PTPRD: variants seen among roughly 807,000 people sequenced by gnomAD.
The protein encoded by PTPRD is receptor-type tyrosine-protein phosphatase delta.
A neutral mutation model predicts 214.5 loss-of-function variants in PTPRD; 34 were observed. The observed-to-expected ratio is 0.16, with a 90% CI of 0.12 to 0.21. The LOEUF is 0.21. Among genes scored for constraint, PTPRD ranks in the 10% least tolerant of loss-of-function variants. The pLI is 1.00. For missense variants in PTPRD, 2,545 were observed against 2,398.7 expected (o/e 1.06, Z -1.27); for synonymous variants, 1,128 against 845.7 (o/e 1.33, Z -5.79).
intron 4 of PTPRD, among the ~76,000 whole-genome samples, chr9:9,957,468 CA>C (rs1313867895): frequency 2.0e-5 from 3 of 151,756 alleles, no homozygotes; most frequent in Non-Finnish European, 4.4e-5. Flanking sequence ...AGCATATTTA[CA>C]AAAAATTATA....
intron 8 of PTPRD, among the ~76,000 whole-genome samples, chr9:9,481,979 C>T (rs1195180414): frequency 6.6e-6 from 1 of 152,040 alleles, no homozygotes; most frequent in Non-Finnish European, 1.5e-5. Context: ...TTCAATGTTT[C>T]ACTTTCATCA....
intron 2 of PTPRD, among the ~76,000 whole-genome samples, chr9:10,556,036 C>T (rs183010409): frequency 2.6e-5 from 4 of 152,120 alleles, no homozygotes; most frequent in African/African-American, 9.6e-5. Flanking sequence ...ATTTCAGTAA[C>T]AAAATAGTTT....
chr9:9,174,171 C>T (rs2099923209), intron 10 of PTPRD, among the ~76,000 whole-genome samples: 2 of 152,004 alleles, frequency 1.3e-5, no homozygotes, highest in Admixed American at 1.3e-4. Flanking sequence ...GAAAAAAAAT[C>T]GTTATATAGA....
chr9:9,211,658 T>A (rs2099948812), intron 9 of PTPRD, among the ~76,000 whole-genome samples: 1 of 152,174 alleles, frequency 6.6e-6, no homozygotes, highest in Non-Finnish European at 1.5e-5. Context: ...AATAATTAGA[T>A]TCTTAATAAA....
intron 14 of PTPRD, among the ~76,000 whole-genome samples, chr9:8,546,791 G>A (rs961373064): frequency 6.6e-6 from 1 of 152,206 alleles, no homozygotes; most frequent in Non-Finnish European, 1.5e-5. Context: ...GTGAGCCACC[G>A]CACCTGGCCA....
At chr9:8,340,154 C>A (rs1851122943) in intron 42 of PTPRD, among the ~76,000 whole-genome samples, 189 bp downstream of exon 42, 1 of 152,148 alleles carries the variant, frequency 6.6e-6, no homozygotes, top group African/African-American at 2.4e-5. Flanking sequence ...TTCTTTAAAA[C>A]ACATAAATTT....
chr9:8,983,705 A>C (rs895607178), intron 11 of PTPRD, among the ~76,000 whole-genome samples: 7 of 151,632 alleles, frequency 4.6e-5, no homozygotes, highest in African/African-American at 1.7e-4. Context: ...TTTTGTAGAG[A>C]CAGGGTCTCA....
chr9:10,450,909 C>T (rs2098837198), intron 2 of PTPRD, among the ~76,000 whole-genome samples: 1 of 151,870 alleles, frequency 6.6e-6, no homozygotes, highest in Non-Finnish European at 1.5e-5. Context: ...CATTTTTAAT[C>T]ATTCTTAACA....
intron 9 of PTPRD, among the ~76,000 whole-genome samples, chr9:9,333,639 C>T (rs2043250927): frequency 6.6e-6 from 1 of 151,028 alleles, no homozygotes; most frequent in Non-Finnish European, 1.5e-5. Flanking sequence ...GAAACTTATT[C>T]CAGCTGTATG....
At chr9:9,836,402 T>C (rs2056773273) in intron 5 of PTPRD, among the ~76,000 whole-genome samples, 1 of 152,128 alleles carries the variant, frequency 6.6e-6, no homozygotes, top group Admixed American at 6.6e-5. Context: ...ATGGGCTCAT[T>C]ACCCACGTGG....
chr9:8,979,657 C>G (rs988395974), intron 11 of PTPRD, among the ~76,000 whole-genome samples: 3 of 152,026 alleles, frequency 2.0e-5, no homozygotes, highest in African/African-American at 4.8e-5. Context: ...CACTAATTAT[C>G]AGGGAAATGC....
intron 2 of PTPRD, among the ~76,000 whole-genome samples, chr9:10,486,134 C>T (rs1472215552): frequency 6.6e-6 from 1 of 151,718 alleles, no homozygotes; most frequent in Non-Finnish European, 1.5e-5. Context: ...CTGTAGGTTG[C>T]CTGTTCACTC....
chr9:9,510,848 C>A (rs1280931171), intron 8 of PTPRD, among the ~76,000 whole-genome samples: 2 of 151,566 alleles, frequency 1.3e-5, no homozygotes, highest in Non-Finnish European at 3.0e-5. Context: ...AATTTTTACT[C>A]ATTTTACATA....
At chr9:9,132,017 G>C (rs1464163710) in intron 10 of PTPRD, among the ~76,000 whole-genome samples, 2 of 151,266 alleles carry the variant, frequency 1.3e-5, no homozygotes, top group African/African-American at 4.8e-5. Context: ...TTGTTTGTTT[G>C]TTTGTTTTGA....
chr9:8,771,790 T>G (rs1402902868), intron 11 of PTPRD, among the ~76,000 whole-genome samples: 2 of 151,582 alleles, frequency 1.3e-5, no homozygotes, highest in Non-Finnish European at 2.9e-5. Flanking sequence ...ACCAAACTAG[T>G]AGCCACAGCT....
intron 3 of PTPRD, among the ~76,000 whole-genome samples, chr9:10,119,823 C>T (rs954449489): frequency 5.9e-5 from 9 of 152,010 alleles, no homozygotes; most frequent in African/African-American, 2.2e-4. Context: ...AGAGTTGTAA[C>T]ATAGCTCCGA....
At chr9:8,512,752 A>T (rs533864563) in intron 21 of PTPRD, among the ~76,000 whole-genome samples, 73 of 152,124 alleles carry the variant, frequency 4.8e-4, no homozygotes, top group Admixed American at 3.5e-3. Flanking sequence ...AAATGAATAG[A>T]TGTAATTAGA....
intron 2 of PTPRD, among the ~76,000 whole-genome samples, chr9:10,361,687 T>C (rs748317952): frequency 6.6e-5 from 10 of 152,188 alleles, no homozygotes; most frequent in Admixed American, 6.5e-4. Flanking sequence ...CTTACTATTA[T>C]ATGATCGTTC....
intron 11 of PTPRD, among the ~76,000 whole-genome samples, chr9:8,837,811 C>G (rs543076333): frequency 3.5e-4 from 53 of 152,154 alleles, no homozygotes; most frequent in African/African-American, 1.3e-3. Flanking sequence ...CTGATATTCC[C>G]TTTAAAACAA....
Sources: gnomAD v4.1 joint callset for allele counts (sites outside exome capture counted in the v4.1 genomes callset) on GRCh38, gnomAD v4.1.1 for gene constraint, MANE v1.5 for transcripts, NCBI Gene and HGNC (gene_info 2026-07-23, HGNC 2026-07-21) for gene names.